MRPL30: variants seen among roughly 807,000 people sequenced by gnomAD.
The protein encoded by MRPL30 is mitochondrial ribosomal protein L30.
A neutral mutation model predicts 17.2 loss-of-function variants in MRPL30; 10 were observed. That is an observed-to-expected ratio of 0.58 (90% CI 0.36 to 0.99). MRPL30 has a LOEUF of 0.99. Among genes scored for constraint, MRPL30 ranks in the 50% least tolerant of loss-of-function variants. The probability of loss-of-function intolerance (pLI) is 0.01; values close to 1 mark genes in which losing one functional copy is unlikely to be tolerated. For missense variants in MRPL30, 170 were observed against 189.8 expected (o/e 0.90, Z 0.61); for synonymous variants, 61 against 62.1 (o/e 0.98, Z 0.08).
chr2:99,194,747 C>G lies in MRPL30; in HGVS notation c.133-4C>G. The G allele has an allele frequency of 6.4e-7, 1 of 1,570,338 alleles. No homozygotes were observed. Among genetic ancestry groups the G allele is most frequent in the South Asian group, 1.2e-5 (1 of 82,186 alleles). On this transcript the variant is annotated splice_polypyrimidine_tract_variant and splice_region_variant and intron_variant, in intron 3 of 5. Transcript: ENST00000338148. ...TTTACCATTTATAATTCTTTCCTTTCTAGGTGTTTCAGGCCTCACCTGAAG... is the reference window on the plus strand; with the variant it reads ...TTTACCATTTATAATTCTTTCCTTTGTAGGTGTTTCAGGCCTCACCTGAAG...
rs2093919456 is a variant in MRPL30 at position 99,181,212 on chromosome 2, CGGAGGAAAATTTCA to C, written c.-62_-49del. On this transcript the variant is annotated 5_prime_UTR_variant, in exon 1 of 6. Coordinates refer to ENST00000338148, the MANE Select transcript of MRPL30 (RefSeq NM_145212.4). ...GTTCTTCCTCTGCTCTGCTTCCCTT[CGGAGGAAAATTTCA>C]GGCTGAAGGTTTAGCGGGTGCCGGT... The C allele has an allele frequency of 1.9e-6, 1 of 515,140 alleles. No homozygotes were observed. The allele number at this position is 515,140 out of a possible 1,614,324, so 31.9% of individuals were successfully genotyped here.
Position 99,194,816 on chromosome 2 carries a change from G to T in MRPL30, c.198G>T (p.Leu66=). 1 of 1,598,694 alleles carries T rather than the reference G, an allele frequency of 6.3e-7. No homozygotes were observed. The highest frequency in any genetic ancestry group is 8.5e-7 in the Non-Finnish European group (1 of 1,174,878). ...YGGDPQNPHK[L]HIVTRIKSTR... is the part of the protein sequence containing the mutation. ...GGGATCCACAGAACCCTCATAAACT[G>T]CATATTGTTACCAGAATAAAAAGTA... The change falls in exon 4 of 6, where the codon CTG becomes CTT. Residue 66 remains leucine (L), a synonymous_variant. Transcript: ENST00000338148.
chr2:99,193,375 A>G (rs530371861), intron 3 of MRPL30, among the ~76,000 whole-genome samples: 1 of 152,280 alleles, frequency 6.6e-6, no homozygotes, highest in East Asian at 1.9e-4. Flanking sequence ...CACTGTTTAC[A>G]TTTCTACAAA....
At position 99,195,758 on chromosome 2, in the gene MRPL30, T is replaced by C; in HGVS notation, c.*53T>C. On this transcript the variant is annotated 3_prime_UTR_variant, in exon 6 of 6. Transcript: ENST00000338148. The stretch of plus-strand genomic sequence containing the variant: ...GCAAATTGTTTTTATTTAAAGATGG[T>C]GAGAAAGTGTTTTCATTAAAATATG... The C allele has an allele frequency of 6.2e-7, 1 of 1,605,898 alleles. No homozygotes were observed. The highest frequency in any genetic ancestry group is 8.5e-7 in the Non-Finnish European group (1 of 1,178,140).
In MRPL30 at chr2:99,198,461, C is replaced by CG. The variant is rs2093958570; in HGVS notation, c.*2756_*2757insG. On this transcript the variant is annotated 3_prime_UTR_variant, in exon 6 of 6. Transcript: ENST00000338148. ...AGACTAGCAAGATGGGCACTACACT[C>CG]TTAGATAATCAAATAAATGCAATCA... Among the ~76,000 whole-genome samples, 1 of 152,180 alleles carries CG rather than the reference C, an allele frequency of 6.6e-6. No individual in the cohort carries two copies. The highest frequency in any genetic ancestry group is 2.4e-5 in the African/African-American group (1 of 41,450).
chr2:99,183,821 A>G (rs1477564826), intron 1 of MRPL30, among the ~76,000 whole-genome samples: 7 of 152,158 alleles, frequency 4.6e-5, no homozygotes, highest in Non-Finnish European at 1.5e-5. Flanking sequence ...GTTTTTGCCA[A>G]ATGTCCTTTT....
rs531343529 is a variant in MRPL30, at chr2:99,193,661, C to T, written c.133-1090C>T. On this transcript the variant is annotated intron_variant, in intron 3 of 5. Coordinates refer to ENST00000338148, the MANE Select transcript of MRPL30 (RefSeq NM_145212.4). Reference sequence around the variant, plus strand: ...TTTTTGGCTCAAGAATATATTATGGCCATCATTCAATGTGAAGACCTGCAA... The same window carrying T: ...TTTTTGGCTCAAGAATATATTATGGTCATCATTCAATGTGAAGACCTGCAA... Among the ~76,000 whole-genome samples the T allele has an allele frequency of 1.9e-3, 291 of 152,206 alleles. 3 individuals carry two copies. The highest frequency in any genetic ancestry group is 6.6e-3 in the African/African-American group (276 of 41,526).
At position 99,194,663 on chromosome 2, in the gene MRPL30, A is replaced by G. The variant is rs1462243978; in HGVS notation, c.133-88A>G. 24 of 1,126,662 alleles carry G rather than the reference A, an allele frequency of 2.1e-5. No individual in the cohort carries two copies. In the South Asian group the frequency reaches 3.2e-4, roughly 15 times the overall value. 69.8% of individuals were successfully genotyped at this position (1,126,662 alleles called of 1,614,324 possible). On this transcript the variant is annotated intron_variant, in intron 3 of 5. Transcript: ENST00000338148. The stretch of plus-strand genomic sequence containing the variant: ...GGATGAGGTAATTATGTAGTTGTGT[A>G]TGTGTGTGTGTCTTTTAAGAAAAAA...
At position 99,194,973 on chromosome 2, in the gene MRPL30, A is replaced by G. The variant is rs531583760; in HGVS notation, c.279+76A>G. On this transcript the variant is annotated intron_variant, in intron 4 of 5. Transcript: ENST00000338148. The stretch of plus-strand genomic sequence containing the variant: ...TTATACTTTTAAAACTTTGCGGTAT[A>G]CATTTATTATTTATTTTGTATTACT... 3 of 1,392,836 alleles carry G rather than the reference A, an allele frequency of 2.2e-6. No homozygotes were observed. The South Asian group carries it at 4.5e-5, about 21-fold the overall frequency. The allele number at this position is 1,392,836 out of a possible 1,614,324, so 86.3% of individuals were successfully genotyped here.
Position 99,196,669 on chromosome 2 carries a change from T to C in MRPL30, c.*964T>C, listed in dbSNP as rs1264328119. On this transcript the variant is annotated 3_prime_UTR_variant, in exon 6 of 6. Coordinates refer to ENST00000338148, the MANE Select transcript of MRPL30 (RefSeq NM_145212.4). ...TGAGTGGCTCTTTGCATGAACACTGTGCAAGGTGTTGGAGAAATCCAAAGC... is the reference window on the plus strand; with the variant it reads ...TGAGTGGCTCTTTGCATGAACACTGCGCAAGGTGTTGGAGAAATCCAAAGC... The C allele has an allele frequency of 6.6e-6, 1 of 152,230 alleles. No homozygotes were observed. Among genetic ancestry groups the C allele is most frequent in the Non-Finnish European group, 1.5e-5 (1 of 68,060 alleles). 9.4% of individuals were successfully genotyped at this position (152,230 alleles called of 1,614,324 possible). A position where few individuals can be genotyped will look rare whatever the true frequency, so the allele number is the denominator to read the frequency against.
At chr2:99,186,355 C>T (rs959863726) in intron 2 of MRPL30, 101 bp downstream of exon 2, 7 of 1,145,270 alleles carry the variant, frequency 6.1e-6, no homozygotes, top group East Asian at 2.5e-5. Flanking sequence ...TTTTTTGAGA[C>T]GAAGTCTCTC....
intron 2 of MRPL30, among the ~76,000 whole-genome samples, chr2:99,186,729 A>G (rs888833927): frequency 3.3e-5 from 5 of 152,222 alleles, no homozygotes; most frequent in African/African-American, 9.6e-5. Context: ...AAACATGCCA[A>G]TAAAAAATGG....
intron 1 of MRPL30, among the ~76,000 whole-genome samples, chr2:99,182,161 C>T (rs2093924605): frequency 6.6e-6 from 1 of 152,178 alleles, no homozygotes. Flanking sequence ...CATACTTCTC[C>T]TGTGATGCCT....
At position 99,198,940 on chromosome 2, in the gene MRPL30, C is replaced by A. The variant is rs1345747218; in HGVS notation, c.*3235C>A. On this transcript the variant is annotated 3_prime_UTR_variant, in exon 6 of 6. Transcript: ENST00000338148. The stretch of plus-strand genomic sequence containing the variant: ...CTCTTTCAGGCCAAACACCTATTTT[C>A]TTCATTTTTTTTTTCTCATAAGAAT... 6.6e-6 allele frequency among the ~76,000 whole-genome samples: 1 copy of A among 151,860 alleles called. No homozygotes were observed. The highest frequency in any genetic ancestry group is 6.6e-5 in the Admixed American group (1 of 15,248).
Position 99,194,805 on chromosome 2 carries a change from C to T in MRPL30, c.187C>T (p.Pro63Ser). The T allele has an allele frequency of 6.3e-7, 1 of 1,597,810 alleles. No homozygotes were observed. Among genetic ancestry groups the T allele is most frequent in the Non-Finnish European group, 8.5e-7 (1 of 1,175,014 alleles). The change falls in exon 4 of 6, where the codon CCT becomes TCT. Residue 63 changes from proline to serine, a missense_variant. Coordinates refer to ENST00000338148, the MANE Select transcript of MRPL30 (RefSeq NM_145212.4). The part of the protein sequence containing the change: ...HEKYGGDPQN[P>S]HKLHIVTRIK... ...AAAATACGGTGGGGATCCACAGAAC[C>T]CTCATAAACTGCATATTGTTACCAG... is the stretch of plus-strand genomic sequence containing the variant.
rs771035149 is a variant in MRPL30, at chr2:99,195,109, T to C, written c.280-7T>C. ...TGATAACGTTGCTTTGTTGTTGTTGTTCACAGGCACATACCCCTCAAGTTC... is the reference window on the plus strand; with the variant it reads ...TGATAACGTTGCTTTGTTGTTGTTGCTCACAGGCACATACCCCTCAAGTTC... On this transcript the variant is annotated splice_region_variant and splice_polypyrimidine_tract_variant and intron_variant, in intron 4 of 5. Transcript: ENST00000338148. 2.5e-6 allele frequency: 4 copies of C among 1,576,872 alleles called. No individual in the cohort carries two copies. The South Asian group carries it at 3.6e-5, about 14-fold the overall frequency.
chr2:99,192,867 A>G (rs1471508980), intron 3 of MRPL30, among the ~76,000 whole-genome samples: 1 of 152,218 alleles, frequency 6.6e-6, no homozygotes, highest in Non-Finnish European at 1.5e-5. Flanking sequence ...GCAAAACCAT[A>G]AAAACCTCAG....
At chr2:99,194,312 C>G (rs758055253) in intron 3 of MRPL30, among the ~76,000 whole-genome samples, 1 of 152,128 alleles carries the variant, frequency 6.6e-6, no homozygotes, top group Admixed American at 6.5e-5. Context: ...TGTTTCTGAT[C>G]GCTCATAGGC....
intron 4 of MRPL30, 89 bp from the exon 5 acceptor site, chr2:99,195,023 GCTTA>G: frequency 2.2e-6 from 3 of 1,362,916 alleles, no homozygotes; most frequent in Non-Finnish European, 3.0e-6. Flanking sequence ...TATAAATTTG[GCTTA>G]GAATGAACCT....
Sources: gnomAD v4.1 joint callset for allele counts (sites outside exome capture counted in the v4.1 genomes callset) on GRCh38, gnomAD v4.1.1 for gene constraint, MANE v1.5 for transcripts, NCBI Gene and HGNC (gene_info 2026-07-23, HGNC 2026-07-21) for gene names.